Variants in CNTNAP2 observed in about 807,000 individuals in gnomAD.
CNTNAP2 encodes contactin-associated protein-like 2.
CNTNAP2 carries 98 observed loss-of-function variants against 155.2 expected under a neutral mutation model. That is an observed-to-expected ratio of 0.63 (90% CI 0.54 to 0.75). CNTNAP2 has a LOEUF of 0.75. CNTNAP2 is among the 30% of genes least tolerant of loss of function. The pLI, the probability that CNTNAP2 is intolerant of heterozygous loss-of-function variation, is 0.00. For synonymous variants in CNTNAP2, 651 were observed against 631.2 expected (o/e 1.03, Z -0.47); for missense variants, 1,727 against 1,688.1 (o/e 1.02, Z -0.40).
chr7:146,317,478 A>G (rs1022266987), intron 1 of CNTNAP2, among the ~76,000 whole-genome samples: 2 of 152,160 alleles, frequency 1.3e-5, no homozygotes, highest in African/African-American at 4.8e-5. Context: ...TAGTTCTTTC[A>G]GCAGTAGCAA....
rs117902246 is a variant in CNTNAP2, at chr7:148,152,399, T to A, written c.2773+4690T>A. ...CTCAGGGTGACAGCCACAGAACTGG[T>A]TGAGTTCTGCGTCCCAAGTCTGGAT... On this transcript the variant is annotated intron_variant, in intron 17 of 23. Transcript: ENST00000361727. Among the ~76,000 whole-genome samples, 101 of 152,118 alleles carry A rather than the reference T, an allele frequency of 6.6e-4. 1 individual carries two copies. The East Asian group carries it at 0.016, about 24-fold the overall frequency.
intron 18 of CNTNAP2, among the ~76,000 whole-genome samples, chr7:148,173,790 G>T (rs972883885): frequency 1.3e-5 from 2 of 152,212 alleles, no homozygotes; most frequent in African/African-American, 4.8e-5. Flanking sequence ...ACCATTCATT[G>T]TGCTTGATGC....
chr7:146,853,434 A>G (rs920620189), intron 3 of CNTNAP2, among the ~76,000 whole-genome samples: 1 of 152,090 alleles, frequency 6.6e-6, no homozygotes, highest in Non-Finnish European at 1.5e-5. Flanking sequence ...CTAACTATTA[A>G]TCTCCCCCCA....
At chr7:148,192,828 T>C (rs192292260) in intron 18 of CNTNAP2, among the ~76,000 whole-genome samples, 12 of 152,348 alleles carry the variant, frequency 7.9e-5, no homozygotes, top group Non-Finnish European at 1.3e-4. Context: ...TATTGCTTTC[T>C]TATGAAATAT....
intron 18 of CNTNAP2, among the ~76,000 whole-genome samples, chr7:148,208,418 G>C (rs961325900): frequency 2.0e-4 from 31 of 152,274 alleles, no homozygotes; most frequent in Non-Finnish European, 3.4e-4. Flanking sequence ...TGGAGATGAG[G>C]CTCTCCTGAT....
chr7:147,371,452 T>G (rs990914452), intron 9 of CNTNAP2, among the ~76,000 whole-genome samples: 2 of 152,218 alleles, frequency 1.3e-5, no homozygotes, highest in Non-Finnish European at 2.9e-5. Context: ...TTACATTTAC[T>G]TTAACTCTTA....
chr7:146,509,891 G>T (rs796214641), intron 1 of CNTNAP2, among the ~76,000 whole-genome samples: 29 of 152,190 alleles, frequency 1.9e-4, no homozygotes, highest in African/African-American at 6.7e-4. Context: ...TGCACACAGG[G>T]GACCTGTCCA....
chr7:147,596,008 T>C (rs1800820824), intron 12 of CNTNAP2, among the ~76,000 whole-genome samples: 1 of 152,200 alleles, frequency 6.6e-6, no homozygotes, highest in Non-Finnish European at 1.5e-5. Context: ...TCCATTTCCA[T>C]GGCACTAAAT....
intron 11 of CNTNAP2, among the ~76,000 whole-genome samples, chr7:147,512,221 A>C (rs879539155): frequency 9.9e-5 from 15 of 152,102 alleles, no homozygotes; most frequent in African/African-American, 3.6e-4. Context: ...ATGTATTACT[A>C]ATTCTGTGGT....
intron 21 of CNTNAP2, among the ~76,000 whole-genome samples, chr7:148,321,872 G>A (rs2116537564): frequency 6.6e-6 from 1 of 151,892 alleles, no homozygotes; most frequent in Non-Finnish European, 1.5e-5. Flanking sequence ...AATTCTAGCT[G>A]AGGTTCTTAG....
intron 10 of CNTNAP2, among the ~76,000 whole-genome samples, chr7:147,429,695 C>T (rs1318684716): frequency 6.6e-6 from 1 of 151,998 alleles, no homozygotes; most frequent in Non-Finnish European, 1.5e-5. Flanking sequence ...TTTATCGTTT[C>T]ACATCTTAAA....
At chr7:147,906,073 G>A (rs762142240) in intron 14 of CNTNAP2, among the ~76,000 whole-genome samples, 12 of 152,192 alleles carry the variant, frequency 7.9e-5, no homozygotes, top group African/African-American at 2.7e-4. Context: ...GAAGCATGAC[G>A]GAGCTGGGCC....
intron 3 of CNTNAP2, among the ~76,000 whole-genome samples, chr7:147,029,209 C>T (rs1328975044): frequency 6.6e-6 from 1 of 152,014 alleles, no homozygotes; most frequent in Non-Finnish European, 1.5e-5. Context: ...ATGATCCACC[C>T]GCCTCGGCCT....
At chr7:146,236,421 G>T (rs1799474321) in intron 1 of CNTNAP2, among the ~76,000 whole-genome samples, 1 of 151,954 alleles carries the variant, frequency 6.6e-6, no homozygotes, top group Non-Finnish European at 1.5e-5. Flanking sequence ...CTAATTTATG[G>T]GAAAATTGTC....
chr7:147,424,402 T>C (rs1797345482), intron 10 of CNTNAP2, among the ~76,000 whole-genome samples: 1 of 152,152 alleles, frequency 6.6e-6, no homozygotes, highest in Non-Finnish European at 1.5e-5. Flanking sequence ...CAGCATTTGA[T>C]ACAAATCATT....
At chr7:146,681,782 T>A (rs1169263332) in intron 1 of CNTNAP2, among the ~76,000 whole-genome samples, 1 of 152,142 alleles carries the variant, frequency 6.6e-6, no homozygotes, top group Admixed American at 6.5e-5. Flanking sequence ...AATAAAGGTT[T>A]GAAAGATTAA....
chr7:147,234,834 G>C (rs1803764320), intron 8 of CNTNAP2, among the ~76,000 whole-genome samples: 1 of 152,068 alleles, frequency 6.6e-6, no homozygotes, highest in Non-Finnish European at 1.5e-5. Flanking sequence ...TTCAAGTTTT[G>C]CATCTTTGGC....
chr7:146,370,648 C>CT (rs201782987), intron 1 of CNTNAP2, among the ~76,000 whole-genome samples: 1 of 152,012 alleles, frequency 6.6e-6, no homozygotes, highest in African/African-American at 2.4e-5. Context: ...ACTCATTAAT[C>CT]TTTTTTTCTT....
At chr7:146,452,208 C>A (rs1796494522) in intron 1 of CNTNAP2, among the ~76,000 whole-genome samples, 1 of 151,864 alleles carries the variant, frequency 6.6e-6, no homozygotes, top group Non-Finnish European at 1.5e-5. Context: ...CGCCCGGCCT[C>A]TTCTATATAT....
Sources: allele counts gnomAD v4.1 joint callset (sites outside exome capture counted in the v4.1 genomes callset), GRCh38; gene constraint gnomAD v4.1.1; transcripts MANE v1.5; gene names NCBI Gene and HGNC (gene_info 2026-07-23, HGNC 2026-07-21).